KCNU1: variants seen among roughly 807,000 people sequenced by gnomAD.
The protein encoded by KCNU1 is potassium calcium-activated channel subfamily U member 1.
In KCNU1, 93 loss-of-function variants were observed where a neutral mutation model predicts 126.8. The observed-to-expected ratio is 0.73, with a 90% CI of 0.62 to 0.87. The LOEUF is 0.87. Ranked by LOEUF, KCNU1 falls within the 40% of genes least tolerant of loss-of-function variation. The pLI, the probability that KCNU1 is intolerant of heterozygous loss-of-function variation, is 0.00. For synonymous variants in KCNU1, 523 were observed against 494.2 expected (o/e 1.06, Z -0.77); for missense variants, 1,330 against 1,367.1 (o/e 0.97, Z 0.43).
chr8:36,824,877 T>G (rs1159151117), intron 10 of KCNU1, among the ~76,000 whole-genome samples: 1 of 152,208 alleles, frequency 6.6e-6, no homozygotes, highest in Non-Finnish European at 1.5e-5. Flanking sequence ...CAATTTGTCT[T>G]AATTCATTCA....
chr8:36,888,410 G>T (rs1349031416), intron 19 of KCNU1: 6 of 380,088 alleles, frequency 1.6e-5, no homozygotes, highest in Non-Finnish European at 2.6e-5. Context: ...CACCACTCTG[G>T]CTGCACCGTG....
chr8:36,847,294 T>G (rs1439688063), intron 18 of KCNU1, among the ~76,000 whole-genome samples: 2 of 152,228 alleles, frequency 1.3e-5, no homozygotes, highest in African/African-American at 4.8e-5. Flanking sequence ...AGATATACAA[T>G]GTATAATGAT....
At chr8:36,853,069 G>A (rs1198077375) in intron 18 of KCNU1, among the ~76,000 whole-genome samples, 19 of 152,148 alleles carry the variant, frequency 1.2e-4, no homozygotes, top group Non-Finnish European at 5.9e-5. Context: ...AAACTAGGCT[G>A]CCAGGTGCGG....
rs375157437 is a variant in KCNU1 at position 36,845,147 on chromosome 8, T to A, written c.1704-433T>A. ...GAAGAAACTTTTGAATCCAGCTGGT[T>A]AATTAAATGTTAACTTTAAATGGCA... On this transcript the variant is annotated intron_variant, in intron 16 of 26. Transcript: ENST00000399881. Among the ~76,000 whole-genome samples, 5 of 152,202 alleles carry A rather than the reference T, an allele frequency of 3.3e-5. No individual in the cohort carries two copies. In the East Asian group the frequency reaches 5.8e-4, roughly 18 times the overall value.
chr8:36,864,141 A>G (rs1459445668), intron 18 of KCNU1, among the ~76,000 whole-genome samples: 1 of 152,072 alleles, frequency 6.6e-6, no homozygotes, highest in African/African-American at 2.4e-5. Context: ...GGGAGGGGTG[A>G]TGGATTAGAA....
At chr8:36,918,967 C>A (rs1337070859) in intron 23 of KCNU1, 70 bp downstream of exon 23, 5 of 1,008,706 alleles carry the variant, frequency 5.0e-6, no homozygotes, top group Non-Finnish European at 7.9e-6. Context: ...TTCCAAGGAT[C>A]TTTTTAGAAT....
At chr8:36,857,933 A>G (rs1227184382) in intron 18 of KCNU1, among the ~76,000 whole-genome samples, 1 of 152,180 alleles carries the variant, frequency 6.6e-6, no homozygotes, top group Non-Finnish European at 1.5e-5. Flanking sequence ...GGCGTGAGCC[A>G]CTGCACCCAG....
At chr8:36,825,417 C>A (rs912193218) in intron 10 of KCNU1, among the ~76,000 whole-genome samples, 1 of 152,126 alleles carries the variant, frequency 6.6e-6, no homozygotes, top group African/African-American at 2.4e-5. Flanking sequence ...GTTATAAAAT[C>A]TACCAACTTT....
intron 22 of KCNU1, among the ~76,000 whole-genome samples, chr8:36,911,588 C>T (rs1807879086): frequency 6.6e-6 from 1 of 152,042 alleles, no homozygotes; most frequent in Non-Finnish European, 1.5e-5. Flanking sequence ...GAGATGATTT[C>T]AGTATATGAA....
At chr8:36,803,687 G>C (rs957798313) in intron 2 of KCNU1, among the ~76,000 whole-genome samples, 4 of 152,140 alleles carry the variant, frequency 2.6e-5, no homozygotes, top group African/African-American at 7.2e-5. Context: ...TGTTTGATGA[G>C]TGAATAAGTG....
At chr8:36,848,579 C>T (rs756215188) in intron 18 of KCNU1, among the ~76,000 whole-genome samples, 27 of 152,120 alleles carry the variant, frequency 1.8e-4, no homozygotes, top group Non-Finnish European at 2.6e-4. Context: ...ATTGGCCTAA[C>T]GTCATTTTAG....
Position 36,784,603 on chromosome 8 carries a change from T to A in KCNU1, c.193T>A (p.Leu65Met). 6.2e-7 allele frequency: 1 copy of A among 1,609,142 alleles called. No individual in the cohort carries two copies. The highest frequency in any genetic ancestry group is 8.5e-7 in the Non-Finnish European group (1 of 1,176,926). ...AATCATCAAGGGAACAGGAATTATC[T>A]TGGTCAGTTTCCTTGTTAGGGATCC... ...WQIIKGTGIILELFTSGTIAR... is the reference protein window; with the variant it reads ...WQIIKGTGIIMELFTSGTIAR... Residue 65 changes from leucine to methionine, a missense_variant and splice_region_variant, in exon 1 of 27, where the codon TTG (leucine) becomes ATG (methionine). Leu to Met is a conservative substitution (Grantham distance 15). Around this residue, in one of 3 missense-constraint regions of KCNU1, gnomAD observed 247 missense variants for 255.4 expected, o/e 0.97. Transcript: ENST00000399881.
chr8:36,936,093 T>A lies in KCNU1; in HGVS notation c.*173T>A. 1 of 508,792 alleles carries A rather than the reference T, an allele frequency of 2.0e-6. No homozygotes were observed. Among genetic ancestry groups the A allele is most frequent in the Non-Finnish European group, 3.4e-6 (1 of 293,228 alleles). 31.5% of individuals were successfully genotyped at this position (508,792 alleles called of 1,614,324 possible). A position where few individuals can be genotyped will look rare whatever the true frequency, so the allele number is the denominator to read the frequency against. On this transcript the variant is annotated 3_prime_UTR_variant, in exon 27 of 27. Transcript: ENST00000399881. ...GAGACAAAAGTCTAATGCCACTGGA[T>A]CTTGTGTGATAAATAAAGAAATATA...
At position 36,905,133 on chromosome 8, in the gene KCNU1, G is replaced by T. The variant is rs530519135; in HGVS notation, c.2010-575G>T. The stretch of plus-strand genomic sequence containing the variant: ...AACTGCAGTGTGGGGTGACCATGGG[G>T]ATGACATTGCCAAGACTTAGATCAA... On this transcript the variant is annotated intron_variant, in intron 19 of 26. Transcript: ENST00000399881. Among the ~76,000 whole-genome samples the T allele has an allele frequency of 4.6e-5, 7 of 152,220 alleles. No individual in the cohort carries two copies. In the South Asian group the frequency reaches 1.5e-3, roughly 32 times the overall value.
At position 36,787,311 on chromosome 8, in the gene KCNU1, G is replaced by A; in HGVS notation, c.201G>A (p.Leu67=). 1 of 1,609,060 alleles carries A rather than the reference G, an allele frequency of 6.2e-7. No individual in the cohort carries two copies. Among genetic ancestry groups the A allele is most frequent in the South Asian group, 1.1e-5 (1 of 90,188 alleles). The part of the protein sequence containing the change: ...IIKGTGIILE[L]FTSGTIARSH... ...TTTCTTTCTCTTGATTGTAGGAACT[G>A]TTCACATCAGGTACCATCGCTAGGA... Residue 67 remains leucine (L), a synonymous_variant, in exon 2 of 27, where the codon CTG becomes CTA. Coordinates refer to ENST00000399881, the MANE Select transcript of KCNU1 (RefSeq NM_001031836.3).
chr8:36,826,269 GCC>G (rs1804318140), intron 10 of KCNU1, among the ~76,000 whole-genome samples: 1 of 151,686 alleles, frequency 6.6e-6, no homozygotes. Flanking sequence ...GAGCGCAGTG[GCC>G]TGATCTTGGC....
chr8:36,909,242 G>C, intron 20 of KCNU1, 69 bp from the exon 21 acceptor site: 1 of 922,468 alleles, frequency 1.1e-6, no homozygotes, highest in South Asian at 1.4e-5. Flanking sequence ...GAGGAGAAGA[G>C]GGGGCCTACT....
chr8:36,867,054 A>G (rs1321974949), intron 19 of KCNU1, among the ~76,000 whole-genome samples: 3 of 152,144 alleles, frequency 2.0e-5, no homozygotes, highest in African/African-American at 4.8e-5. Context: ...TTTCCTAAAA[A>G]GTACAAGGGA....
At chr8:36,888,980 G>A (rs752322390) in intron 19 of KCNU1, 5 of 399,770 alleles carry the variant, frequency 1.3e-5, no homozygotes, top group Admixed American at 9.6e-5. Flanking sequence ...CTTTGTTCAA[G>A]TGATTCTCCT....
Sources: gnomAD v4.1 joint callset for allele counts (sites outside exome capture counted in the v4.1 genomes callset) on GRCh38, gnomAD v4.1.1 for gene constraint, gnomAD v4.1.1 regional missense constraint, MANE v1.5 for transcripts, NCBI Gene and HGNC (gene_info 2026-07-23, HGNC 2026-07-21) for gene names.